Variants in PAQR5 observed in about 807,000 individuals in gnomAD.
PAQR5 encodes progestin and adipoQ receptor family member 5.
In PAQR5, 20 loss-of-function variants were observed where a neutral mutation model predicts 34.5. That is an observed-to-expected ratio of 0.58 (90% CI 0.41 to 0.84). The LOEUF (loss-of-function observed/expected upper bound fraction) is 0.84, where lower values mean the gene tolerates loss of function less well. Ranked by LOEUF, PAQR5 falls within the 40% of genes least tolerant of loss-of-function variation. The pLI is 0.00. For synonymous variants in PAQR5, 131 were observed against 155.6 expected, an observed-to-expected ratio of 0.84 and a Z score of 1.18; for missense variants, 378 against 412.7, an observed-to-expected ratio of 0.92 and a Z score of 0.73.
At chr15:69,397,700 G>A (rs1595945947) in intron 7 of PAQR5, 136 bp downstream of exon 7, 2 of 684,060 alleles carry the variant, frequency 2.9e-6, no homozygotes, top group African/African-American at 1.8e-5. Context: ...GGTGAAGGGG[G>A]CCAGCCCCTC....
At chr15:69,316,674 G>T (rs1363943214) in intron 1 of PAQR5, among the ~76,000 whole-genome samples, 1 of 152,170 alleles carries the variant, frequency 6.6e-6, no homozygotes, top group Non-Finnish European at 1.5e-5. Flanking sequence ...TTGAGTCCCG[G>T]CTATGCATCA....
At chr15:69,383,621 G>A (rs1284762424) in intron 4 of PAQR5, among the ~76,000 whole-genome samples, 1 of 134,226 alleles carries the variant, frequency 7.5e-6, no homozygotes, top group Non-Finnish European at 1.6e-5. Context: ...TGTTCATGGT[G>A]GAGGGTGAGT....
At chr15:69,341,406 G>C (rs967178854) in intron 2 of PAQR5, among the ~76,000 whole-genome samples, 9 of 141,848 alleles carry the variant, frequency 6.3e-5, no homozygotes, top group Admixed American at 1.5e-4. Context: ...GCCCAGGCTG[G>C]AGTGCAGTGG....
Position 69,384,368 on chromosome 15 carries a change from T to C in PAQR5, c.180-309T>C, listed in dbSNP as rs534351814. On this transcript the variant is annotated intron_variant, in intron 4 of 8. Coordinates refer to ENST00000395407, the MANE Select transcript of PAQR5 (RefSeq NM_017705.4). ...GTGAGTGGGCCCTCCGTGTTCATGG[T>C]GGAGGGTGAGCGGGTCCTCCGTGTT... 5.4e-4 allele frequency among the ~76,000 whole-genome samples: 71 copies of C among 132,604 alleles called. 2 individuals are homozygous for C. The highest frequency in any genetic ancestry group is 1.2e-3 in the African/African-American group (39 of 33,672). 87.0% of individuals were successfully genotyped at this position (132,604 alleles called of 152,430 possible). A position where few individuals can be genotyped will look rare whatever the true frequency, so the allele number is the denominator to read the frequency against.
chr15:69,322,771 AGGG>A (rs771443213), intron 1 of PAQR5, among the ~76,000 whole-genome samples: 3,072 of 17,084 alleles, frequency 0.18, 536 homozygotes, highest in East Asian at 0.27. Flanking sequence ...GAAGAAGAAG[AGGG>A]AGAAGAAGAA....
At chr15:69,401,802 C>T (rs752077806) in intron 8 of PAQR5, among the ~76,000 whole-genome samples, 5 of 152,334 alleles carry the variant, frequency 3.3e-5, no homozygotes, top group Middle Eastern at 3.4e-3. Flanking sequence ...CTTCCTAACT[C>T]TGCTCCTGCT....
Position 69,389,667 on chromosome 15 carries a change from C to CTACTCTGCATACACGTTCCCGGA in PAQR5, c.401_423dup (p.Ala142ThrfsTer25). The CTACTCTGCATACACGTTCCCGGA allele has an allele frequency of 1.9e-6, 3 of 1,614,214 alleles. No homozygotes were observed. Among genetic ancestry groups the CTACTCTGCATACACGTTCCCGGA allele is most frequent in the Non-Finnish European group, 2.5e-6 (3 of 1,180,018 alleles). On this transcript the variant is annotated frameshift_variant, in exon 6 of 9. Transcript: ENST00000395407. LOFTEE classifies it high-confidence loss of function. ...TTTCTTCCCCAGGCTCAGCCATTGC[C>CTACTCTGCATACACGTTCCCGGA]TACTCTGCATACACGTTCCCGGATG...
intron 1 of PAQR5, among the ~76,000 whole-genome samples, chr15:69,313,104 A>G (rs1405987375): frequency 1.3e-5 from 2 of 152,222 alleles, no homozygotes; most frequent in East Asian, 1.9e-4. Context: ...GTCAGGTGGC[A>G]TGGATCTTAA....
intron 2 of PAQR5, among the ~76,000 whole-genome samples, chr15:69,338,726 A>G (rs1479499817): frequency 6.6e-6 from 1 of 152,216 alleles, no homozygotes; most frequent in Non-Finnish European, 1.5e-5. Context: ...AGACAATCAA[A>G]GAGATCGAAC....
chr15:69,399,917 G>A (rs572837866), intron 7 of PAQR5, 57 bp from the exon 8 acceptor site: 2 of 1,553,356 alleles, frequency 1.3e-6, no homozygotes, highest in African/African-American at 2.7e-5. Flanking sequence ...TGAGAAGGAA[G>A]AGGGCCTGCC....
At position 69,331,753 on chromosome 15, in the gene PAQR5, C is replaced by T. The variant is rs2140671266; in HGVS notation, c.-276-5588C>T. ...GCAACGGGAAAAAGTTTGAGCTTTA[C>T]CAGACTTATATTGGGTGCTGAATGA... is the stretch of plus-strand genomic sequence containing the variant. On this transcript the variant is annotated intron_variant, in intron 1 of 8. Coordinates refer to ENST00000395407, the MANE Select transcript of PAQR5 (RefSeq NM_017705.4). Among the ~76,000 whole-genome samples the T allele has an allele frequency of 2.0e-5, 3 of 152,252 alleles. No individual in the cohort carries two copies. The South Asian group carries it at 6.2e-4, about 32-fold the overall frequency.
In PAQR5 at chr15:69,403,895, G is replaced by T. The variant is rs2056709843; in HGVS notation, c.*73G>T. The stretch of plus-strand genomic sequence containing the variant: ...ATCCTAACCACCATAAGCCGGAGGT[G>T]GTTACAGCTTATCATGGCCTAAAAT... On this transcript the variant is annotated 3_prime_UTR_variant, in exon 9 of 9. Transcript: ENST00000395407. 2.0e-6 allele frequency: 3 copies of T among 1,524,684 alleles called. No individual in the cohort carries two copies. 94.4% of individuals were successfully genotyped at this position (1,524,684 alleles called of 1,614,324 possible). A position where few individuals can be genotyped will look rare whatever the true frequency, so the allele number is the denominator to read the frequency against.
intron 6 of PAQR5, among the ~76,000 whole-genome samples, chr15:69,390,412 C>T (rs562288386): frequency 3.8e-4 from 56 of 147,682 alleles, no homozygotes; most frequent in Admixed American, 3.2e-3. Flanking sequence ...TGCAGTGGTG[C>T]GATCTCAGCT....
intron 4 of PAQR5, among the ~76,000 whole-genome samples, chr15:69,383,173 C>T (rs75850088): frequency 0.015 from 2,337 of 152,252 alleles, 68 homozygotes; most frequent in African/African-American, 0.053. Context: ...TTAGTCACCG[C>T]GGGGGAATGG....
intron 5 of PAQR5, among the ~76,000 whole-genome samples, chr15:69,389,394 TG>T (rs2056194761): frequency 1.3e-5 from 2 of 152,174 alleles, no homozygotes; most frequent in African/African-American, 4.8e-5. Context: ...TGAAGGAGGA[TG>T]GTTGAAGTAT....
chr15:69,303,060 T>C (rs771531919), intron 1 of PAQR5, among the ~76,000 whole-genome samples: 6 of 152,210 alleles, frequency 3.9e-5, no homozygotes, highest in Non-Finnish European at 8.8e-5. Flanking sequence ...CAAAGCCTTT[T>C]GTCTCTCTCG....
chr15:69,333,870 A>G (rs1000165058), intron 1 of PAQR5, among the ~76,000 whole-genome samples: 1 of 152,084 alleles, frequency 6.6e-6, no homozygotes, highest in Admixed American at 6.5e-5. Context: ...CTGTATTCAT[A>G]TGTGTTGTGT....
chr15:69,395,675 G>A (rs2056404546), intron 6 of PAQR5, among the ~76,000 whole-genome samples: 1 of 152,134 alleles, frequency 6.6e-6, no homozygotes. Flanking sequence ...TCACGTGGTT[G>A]TGAAGGGCAG....
chr15:69,379,331 A>G (rs565467356), intron 3 of PAQR5: 1 of 707,520 alleles, frequency 1.4e-6, no homozygotes, highest in Admixed American at 6.3e-5. Flanking sequence ...TGACTTGAGC[A>G]GCCGTGCTGT....
Sources: gnomAD v4.1 joint callset for allele counts (sites outside exome capture counted in the v4.1 genomes callset) on GRCh38, gnomAD v4.1.1 for gene constraint, MANE v1.5 for transcripts, NCBI Gene and HGNC (gene_info 2026-07-23, HGNC 2026-07-21) for gene names.